The following NBEA variants were observed in gnomAD, a reference collection of about 807,000 sequenced individuals.
NBEA encodes the protein lysosomal-trafficking regulator 2.
In NBEA, 44 loss-of-function variants were observed where a neutral mutation model predicts 343.4. The ratio of observed to expected loss-of-function variants is 0.13; its 90% CI spans 0.10 to 0.16. NBEA has a LOEUF of 0.16. NBEA is among the 10% of genes least tolerant of loss of function. The probability of loss-of-function intolerance (pLI) is 1.00; values close to 1 mark genes in which losing one functional copy is unlikely to be tolerated. For synonymous variants in NBEA, 1,175 were observed against 1,238.7 expected, an observed-to-expected ratio of 0.95 and a Z score of 1.08; for missense variants, 2,555 against 3,631.3, an observed-to-expected ratio of 0.70 and a Z score of 7.62.
At chr13:35,190,828 C>T (rs1269689169) in intron 30 of NBEA, among the ~76,000 whole-genome samples, 7 of 152,040 alleles carry the variant, frequency 4.6e-5, no homozygotes, top group South Asian at 4.1e-4. Context: ...ACTTACTAGA[C>T]GGACACTTTA....
intron 40 of NBEA, among the ~76,000 whole-genome samples, chr13:35,467,343 GCA>G (rs2075428367): frequency 6.6e-6 from 1 of 152,008 alleles, no homozygotes; most frequent in East Asian, 1.9e-4. Flanking sequence ...ATGGTGGTAT[GCA>G]CCTGTAATCC....
chr13:35,114,026 A>C (rs1397556882), intron 13 of NBEA, among the ~76,000 whole-genome samples: 1 of 152,106 alleles, frequency 6.6e-6, no homozygotes, highest in African/African-American at 2.4e-5. Context: ...GACTTGTCCT[A>C]CACTTTCCTT....
intron 47 of NBEA, among the ~76,000 whole-genome samples, chr13:35,598,375 T>A (rs1000054133): frequency 7.2e-5 from 11 of 152,326 alleles, no homozygotes; most frequent in African/African-American, 2.6e-4. Flanking sequence ...CTTGGCTCCT[T>A]AATTCATTAT....
intron 8 of NBEA, among the ~76,000 whole-genome samples, chr13:35,060,642 C>T (rs931290561): frequency 6.6e-6 from 1 of 151,642 alleles, no homozygotes; most frequent in Non-Finnish European, 1.5e-5. Flanking sequence ...AATGCATTTT[C>T]TCAATTTGTA....
At chr13:35,470,635 T>C (rs1299570894) in intron 40 of NBEA, among the ~76,000 whole-genome samples, 2 of 152,228 alleles carry the variant, frequency 1.3e-5, no homozygotes, top group African/African-American at 4.8e-5. Flanking sequence ...GTAAACCGCA[T>C]AGATTTCTTC....
intron 48 of NBEA, among the ~76,000 whole-genome samples, chr13:35,613,438 T>C (rs1420428828): frequency 6.6e-6 from 1 of 152,078 alleles, no homozygotes. Context: ...ATTTTTAAAA[T>C]CCATTCATTC....
rs12584068 is a variant in NBEA at position 35,537,239 on chromosome 13, C to T, written c.6586-13238C>T. Reference sequence around the variant, plus strand: ...CAATCATAGACACCCATTGACATAGCACCAATTACTCTGTTTATACTTCTG... The same window carrying T: ...CAATCATAGACACCCATTGACATAGTACCAATTACTCTGTTTATACTTCTG... On this transcript the variant is annotated intron_variant, in intron 41 of 58. Coordinates refer to ENST00000379939, the MANE Select transcript of NBEA (RefSeq NM_001385012.1). 4.8e-3 allele frequency among the ~76,000 whole-genome samples: 733 copies of T among 152,134 alleles called. 14 individuals are homozygous for T. The East Asian group carries it at 0.056, about 12-fold the overall frequency.
intron 41 of NBEA, chr13:35,475,652 G>A: frequency 6.2e-7 from 1 of 1,613,754 alleles, no homozygotes; most frequent in Non-Finnish European, 8.5e-7. Context: ...TACCTATCTC[G>A]GATTCTCAGT....
At chr13:34,953,477 A>G (rs536267431) in intron 1 of NBEA, among the ~76,000 whole-genome samples, 1 of 152,322 alleles carries the variant, frequency 6.6e-6, no homozygotes, top group East Asian at 1.9e-4. Flanking sequence ...TGTCTAAAGA[A>G]CAGCTCATCT....
intron 24 of NBEA, among the ~76,000 whole-genome samples, chr13:35,168,145 G>A (rs1285425633): frequency 6.6e-6 from 1 of 151,524 alleles, no homozygotes; most frequent in East Asian, 1.9e-4. Context: ...TATGTCATAG[G>A]ACTGATCATA....
intron 1 of NBEA, among the ~76,000 whole-genome samples, chr13:34,972,406 T>C (rs1371931420): frequency 1.3e-5 from 2 of 152,186 alleles, no homozygotes; most frequent in Admixed American, 6.5e-5. Context: ...CTAGTTCTTT[T>C]AGTTGTGATG....
intron 41 of NBEA, among the ~76,000 whole-genome samples, chr13:35,547,608 C>CCAGG (rs1225973897): frequency 1.3e-5 from 2 of 152,242 alleles, no homozygotes; most frequent in Admixed American, 6.5e-5. Context: ...AGAATATTGG[C>CCAGG]CAGGCGTGGT....
At chr13:35,515,626 T>G (rs1027760639) in intron 41 of NBEA, among the ~76,000 whole-genome samples, 1 of 152,248 alleles carries the variant, frequency 6.6e-6, no homozygotes, top group Non-Finnish European at 1.5e-5. Context: ...GATGAAACAT[T>G]TCAAAATCCA....
At chr13:35,101,305 A>G (rs991784957) in intron 11 of NBEA, among the ~76,000 whole-genome samples, 4 of 151,908 alleles carry the variant, frequency 2.6e-5, no homozygotes, top group African/African-American at 7.2e-5. Context: ...CCTACCAACC[A>G]TATTTAAGAG....
At chr13:35,416,531 A>T (rs939947481) in intron 38 of NBEA, among the ~76,000 whole-genome samples, 4 of 152,100 alleles carry the variant, frequency 2.6e-5, no homozygotes, top group African/African-American at 9.7e-5. Context: ...TATATGATGG[A>T]TTACATTTAT....
chr13:35,422,979 A>G (rs1342506851), intron 38 of NBEA, among the ~76,000 whole-genome samples: 1 of 152,110 alleles, frequency 6.6e-6, no homozygotes, highest in Admixed American at 6.5e-5. Context: ...TCCTTCGCCC[A>G]TTTGTTGATG....
chr13:35,462,237 G>T (rs371246283), intron 40 of NBEA, among the ~76,000 whole-genome samples: 1 of 152,102 alleles, frequency 6.6e-6, no homozygotes, highest in Non-Finnish European at 1.5e-5. Context: ...TGCCCTCCAG[G>T]AAGTTATAGA....
At chr13:35,313,988 G>A (rs1195323943) in intron 36 of NBEA, among the ~76,000 whole-genome samples, 3 of 152,060 alleles carry the variant, frequency 2.0e-5, no homozygotes, top group Admixed American at 6.6e-5. Context: ...ATGGAAAAAC[G>A]CAATATGGTG....
chr13:35,439,309 T>A (rs1405598651), intron 39 of NBEA, among the ~76,000 whole-genome samples: 1 of 152,154 alleles, frequency 6.6e-6, no homozygotes, highest in Non-Finnish European at 1.5e-5. Context: ...CATAGAGGGA[T>A]GTAGTAGTTC....
Sources: gnomAD v4.1 joint callset for allele counts (sites outside exome capture counted in the v4.1 genomes callset) on GRCh38, gnomAD v4.1.1 for gene constraint, MANE v1.5 for transcripts, NCBI Gene and HGNC (gene_info 2026-07-23, HGNC 2026-07-21) for gene names.